BANK1: variants seen among roughly 807,000 people sequenced by gnomAD.
The protein encoded by BANK1 is B cell scaffold protein with ankyrin repeats 1, also known as B-cell scaffold protein with ankyrin repeats.
BANK1 carries 95 observed loss-of-function variants against 94.5 expected under a neutral mutation model. The observed-to-expected ratio is 1.00, with a 90% confidence interval of 0.85 to 1.19. The LOEUF is 1.19. Ranked by LOEUF, BANK1 falls within the 50% of genes most tolerant of loss-of-function variation. BANK1 has a pLI of 0.00. For missense variants in BANK1, 987 were observed against 932.2 expected (o/e 1.06, Z -0.77); for synonymous variants, 334 against 308.4 (o/e 1.08, Z -0.87).
chr4:102,052,919 C>T (rs750376456), intron 11 of BANK1, among the ~76,000 whole-genome samples: 10 of 151,998 alleles, frequency 6.6e-5, no homozygotes, highest in Non-Finnish European at 1.3e-4. Flanking sequence ...AGATGAGATA[C>T]CAGAATGAGA....
chr4:102,007,876 T>G (rs1726357681), intron 7 of BANK1, among the ~76,000 whole-genome samples: 1 of 152,188 alleles, frequency 6.6e-6, no homozygotes, highest in Non-Finnish European at 1.5e-5. Context: ...CATAATTTTC[T>G]CCATTATTCA....
chr4:102,011,363 T>A (rs1726506667), intron 7 of BANK1, among the ~76,000 whole-genome samples: 1 of 152,202 alleles, frequency 6.6e-6, no homozygotes, highest in African/African-American at 2.4e-5. Flanking sequence ...TTTTCACAAG[T>A]GACCGAAATC....
intron 5 of BANK1, among the ~76,000 whole-genome samples, chr4:101,880,559 G>T (rs1699132423): frequency 1.3e-5 from 2 of 151,840 alleles, no homozygotes; most frequent in African/African-American, 4.8e-5. Flanking sequence ...ATTCTTTACA[G>T]AAATAGAAAA....
chr4:102,033,782 A>G (rs1156860945), intron 10 of BANK1, among the ~76,000 whole-genome samples: 1 of 152,184 alleles, frequency 6.6e-6, no homozygotes, highest in Non-Finnish European at 1.5e-5. Flanking sequence ...AGTATATAAA[A>G]TAGGTATGGT....
intron 7 of BANK1, among the ~76,000 whole-genome samples, chr4:102,003,355 C>A (rs904408392): frequency 1.3e-5 from 2 of 152,298 alleles, no homozygotes; most frequent in East Asian, 3.9e-4. Flanking sequence ...TTTGCTCCAG[C>A]TGACTTCAGT....
At chr4:102,051,367 T>TC (rs1173002269) in intron 11 of BANK1, among the ~76,000 whole-genome samples, 2 of 152,200 alleles carry the variant, frequency 1.3e-5, no homozygotes. Context: ...GTTGTTAAAG[T>TC]CATACCTTGA....
intron 7 of BANK1, among the ~76,000 whole-genome samples, chr4:102,017,103 C>T (rs188058224): frequency 9.1e-4 from 139 of 152,272 alleles, no homozygotes; most frequent in African/African-American, 3.2e-3. Flanking sequence ...TATTATATCA[C>T]TGTATGAAAA....
chr4:101,972,674 T>G (rs1466508301), intron 7 of BANK1: 5 of 152,088 alleles, frequency 3.3e-5, no homozygotes, highest in African/African-American at 7.2e-5. Flanking sequence ...CCAGCAACAT[T>G]ACTGTCATAT....
At chr4:101,825,117 C>T (rs376457646) in intron 1 of BANK1, among the ~76,000 whole-genome samples, 21 of 152,150 alleles carry the variant, frequency 1.4e-4, no homozygotes, top group Middle Eastern at 3.4e-3. Context: ...TGAAGATGTA[C>T]ATTTAAAATA....
intron 1 of BANK1, among the ~76,000 whole-genome samples, chr4:101,796,141 T>A (rs1367360470): frequency 6.6e-6 from 1 of 152,162 alleles, no homozygotes; most frequent in Admixed American, 6.5e-5. Flanking sequence ...TTAAGATGCA[T>A]AAGTAGAAAG....
At chr4:101,792,214 T>C (rs1450677504) in intron 1 of BANK1, among the ~76,000 whole-genome samples, 2 of 152,010 alleles carry the variant, frequency 1.3e-5, no homozygotes, top group Admixed American at 1.3e-4. Flanking sequence ...AATCAATATT[T>C]ATAGCATTCC....
At chr4:102,021,652 G>GAA in intron 8 of BANK1, 60 bp downstream of exon 8, 1 of 667,312 alleles carries the variant, frequency 1.5e-6, no homozygotes, top group Non-Finnish European at 2.2e-6. Flanking sequence ...ACATATATAT[G>GAA]TGACTTATGG....
At chr4:101,916,132 G>A (rs1017575657) in intron 6 of BANK1, among the ~76,000 whole-genome samples, 2 of 151,910 alleles carry the variant, frequency 1.3e-5, no homozygotes, top group African/African-American at 4.8e-5. Flanking sequence ...TTGTGACATG[G>A]CATCAAGCCC....
At chr4:101,837,388 T>A (rs1424596222) in intron 2 of BANK1, among the ~76,000 whole-genome samples, 1 of 152,200 alleles carries the variant, frequency 6.6e-6, no homozygotes, top group Non-Finnish European at 1.5e-5. Flanking sequence ...GAATTCCAAT[T>A]AAAGTGATGG....
Position 101,936,412 on chromosome 4 carries a change from C to T in BANK1, c.1206+18223C>T, listed in dbSNP as rs575271809. Among the ~76,000 whole-genome samples, 53 of 149,776 alleles carry T rather than the reference C, an allele frequency of 3.5e-4. No individual in the cohort carries two copies. The South Asian group carries it at 4.0e-3, about 11-fold the overall frequency. ...ACATGCATGTATATATGTGCGTATG[C>T]ATGTATACATGCATGTATAAGATGT... On this transcript the variant is annotated intron_variant, in intron 7 of 16. Transcript: ENST00000322953.
chr4:101,838,158 C>T (rs1252644363), intron 2 of BANK1, among the ~76,000 whole-genome samples: 1 of 152,096 alleles, frequency 6.6e-6, no homozygotes, highest in Non-Finnish European at 1.5e-5. Flanking sequence ...GGGGTTTCAC[C>T]ATGTTGCACA....
intron 1 of BANK1, among the ~76,000 whole-genome samples, chr4:101,811,783 T>G (rs1725737899): frequency 6.6e-6 from 1 of 152,124 alleles, no homozygotes; most frequent in Non-Finnish European, 1.5e-5. Flanking sequence ...ACAATACTTT[T>G]ACATGAACCC....
intron 7 of BANK1, among the ~76,000 whole-genome samples, chr4:101,922,613 T>C (rs989200528): frequency 6.6e-6 from 1 of 151,858 alleles, no homozygotes; most frequent in African/African-American, 2.4e-5. Context: ...ATTGGTCATA[T>C]TTCCTATACT....
At chr4:101,795,989 C>A (rs9998865) in intron 1 of BANK1, among the ~76,000 whole-genome samples, 136,475 of 152,222 alleles carry the variant, frequency 0.9, 61,529 homozygotes, top group African/African-American at 0.98. Flanking sequence ...CCACATATAT[C>A]ATCTGTATAA....
Sources: gnomAD v4.1 joint callset for allele counts (sites outside exome capture counted in the v4.1 genomes callset) on GRCh38, gnomAD v4.1.1 for gene constraint, MANE v1.5 for transcripts, NCBI Gene and HGNC (gene_info 2026-07-23, HGNC 2026-07-21) for gene names.